IQGAP2: variants seen among roughly 807,000 people sequenced by gnomAD.
IQGAP2 encodes the protein IQ motif containing GTPase activating protein 2.
A neutral mutation model predicts 201.3 loss-of-function variants in IQGAP2; 173 were observed. That is an observed-to-expected ratio of 0.86 (90% CI 0.76 to 0.98). The LOEUF (loss-of-function observed/expected upper bound fraction) is 0.98, where lower values mean the gene tolerates loss of function less well. Ranked by LOEUF, IQGAP2 falls within the 50% of genes least tolerant of loss-of-function variation. The pLI is 0.00. For missense variants in IQGAP2, 1,687 were observed against 1,864.8 expected, an observed-to-expected ratio of 0.90 and a Z score of 1.76; for synonymous variants, 675 against 673.9, an observed-to-expected ratio of 1.00 and a Z score of -0.03.
rs139232620 is a variant in IQGAP2 at position 76,506,243 on chromosome 5, G to A, written c.146+44574G>A. Among the ~76,000 whole-genome samples the A allele has an allele frequency of 3.3e-5, 5 of 152,306 alleles. No individual in the cohort carries two copies. The East Asian group carries it at 9.6e-4, about 29-fold the overall frequency. On this transcript the variant is annotated intron_variant, in intron 2 of 35. Coordinates refer to ENST00000274364, the MANE Select transcript of IQGAP2 (RefSeq NM_006633.5). Reference sequence around the variant, plus strand: ...AACCCGAGAGAGCTACTTGAGGGCAGGACGAAGGACTGGGCTATTTCCCCT... The same window carrying A: ...AACCCGAGAGAGCTACTTGAGGGCAAGACGAAGGACTGGGCTATTTCCCCT...
chr5:76,589,602 T>C lies in IQGAP2; in HGVS notation c.527-13T>C, dbSNP rs1477290280. 1 of 1,409,042 alleles carries C rather than the reference T, an allele frequency of 7.1e-7. No individual in the cohort carries two copies. Among genetic ancestry groups the C allele is most frequent in the African/African-American group, 1.4e-5 (1 of 70,744 alleles). 87.3% of individuals were successfully genotyped at this position (1,409,042 alleles called of 1,614,324 possible). On this transcript the variant is annotated splice_polypyrimidine_tract_variant and intron_variant, in intron 6 of 35. Coordinates refer to ENST00000274364, the MANE Select transcript of IQGAP2 (RefSeq NM_006633.5). Reference sequence around the variant, plus strand: ...TCTCTGATAATGATTATGATTATTTTGTTCTTTGTTAGAGGAGGAAATCAG... The same window carrying C: ...TCTCTGATAATGATTATGATTATTTCGTTCTTTGTTAGAGGAGGAAATCAG...
At position 76,418,834 on chromosome 5, in the gene IQGAP2, G is replaced by T. The variant is rs1580149589; in HGVS notation, c.46+15243G>T. ...GAAAAGTAGGGGGGTGAGTGTGGAA[G>T]ATAGTGTGGCTGGGGTCACTTAATG... is the stretch of plus-strand genomic sequence containing the variant. On this transcript the variant is annotated intron_variant, in intron 1 of 35. Transcript: ENST00000274364. 2.6e-5 allele frequency among the ~76,000 whole-genome samples: 4 copies of T among 152,288 alleles called. No individual in the cohort carries two copies. In the South Asian group the frequency reaches 8.3e-4, roughly 32 times the overall value.
rs540744402 is a variant in IQGAP2, at chr5:76,667,877, CTTT to C, written c.2680-783_2680-781del. ...TGTAGCCGGGCCCTTAGTCCACTTTCTTTTTTTTTTTTTTTTTTTTTTTGATAC... is the reference window on the plus strand; with the variant it reads ...TGTAGCCGGGCCCTTAGTCCACTTTCTTTTTTTTTTTTTTTTTTTTGATAC... On this transcript the variant is annotated intron_variant, in intron 22 of 35. Coordinates refer to ENST00000274364, the MANE Select transcript of IQGAP2 (RefSeq NM_006633.5). Among the ~76,000 whole-genome samples, 363 of 123,368 alleles carry C rather than the reference CTTT, an allele frequency of 2.9e-3. 1 individual carries two copies. Among genetic ancestry groups the C allele is most frequent in the Middle Eastern group, 0.014 (3 of 210 alleles). 80.9% of individuals were successfully genotyped at this position (123,368 alleles called of 152,430 possible).
intron 2 of IQGAP2, among the ~76,000 whole-genome samples, chr5:76,527,301 T>C (rs1346826998): frequency 6.6e-6 from 1 of 152,202 alleles, no homozygotes; most frequent in African/African-American, 2.4e-5. Flanking sequence ...GTGCACTTGC[T>C]AGTCTCAGAG....
intron 9 of IQGAP2, among the ~76,000 whole-genome samples, chr5:76,596,151 C>A (rs552841786): frequency 2.0e-5 from 3 of 152,206 alleles, no homozygotes; most frequent in African/African-American, 7.2e-5. Context: ...GGAAGATCCT[C>A]GTGAATGTAT....
At chr5:76,695,835 C>CTTTTTTTTTTT (rs56984768) in intron 32 of IQGAP2, among the ~76,000 whole-genome samples, 169 bp downstream of exon 32, 10 of 83,104 alleles carry the variant, frequency 1.2e-4, no homozygotes, top group Admixed American at 1.6e-4. Context: ...CAGTTGATGA[C>CTTTTTTTTTTT]TTTTTTTTTT....
At chr5:76,577,694 A>T (rs1423566010) in intron 5 of IQGAP2, among the ~76,000 whole-genome samples, 1 of 152,218 alleles carries the variant, frequency 6.6e-6, no homozygotes, top group Non-Finnish European at 1.5e-5. Context: ...GGAGGCTGAT[A>T]TTCTGCTTTG....
chr5:76,520,678 A>G lies in IQGAP2; in HGVS notation c.147-41718A>G, dbSNP rs77017113. ...ACAACTGTGTTAGATCTTCAAGTCC[A>G]TGAACATCATAGGTCTCTCCTCTTT... On this transcript the variant is annotated intron_variant, in intron 2 of 35. Transcript: ENST00000274364. Among the ~76,000 whole-genome samples, 808 of 149,672 alleles carry G rather than the reference A, an allele frequency of 5.4e-3. 11 individuals are homozygous for G. Among genetic ancestry groups the G allele is most frequent in the African/African-American group, 0.019 (779 of 40,592 alleles).
At chr5:76,581,922 C>T (rs1745897327) in intron 5 of IQGAP2, among the ~76,000 whole-genome samples, 1 of 152,180 alleles carries the variant, frequency 6.6e-6, no homozygotes. Flanking sequence ...GATAGGTTAT[C>T]AATAAGTGTT....
At chr5:76,536,487 C>T (rs1322488323) in intron 2 of IQGAP2, among the ~76,000 whole-genome samples, 3 of 151,720 alleles carry the variant, frequency 2.0e-5, no homozygotes, top group Non-Finnish European at 2.9e-5. Context: ...CAGCCGGGCA[C>T]GGTGGCTCAC....
intron 30 of IQGAP2, among the ~76,000 whole-genome samples, chr5:76,690,082 G>A (rs1006307245): frequency 1.3e-5 from 2 of 152,090 alleles, no homozygotes; most frequent in Admixed American, 6.6e-5. Flanking sequence ...AGCAAGACCC[G>A]TGGTTTGGAT....
At chr5:76,623,399 G>T in intron 13 of IQGAP2, 1 of 676,434 alleles carries the variant, frequency 1.5e-6, no homozygotes, top group Non-Finnish European at 2.5e-6. Context: ...CCTCCGCAGG[G>T]AAAGGATGTA....
chr5:76,431,937 T>G (rs986465939), intron 1 of IQGAP2, among the ~76,000 whole-genome samples: 2 of 151,998 alleles, frequency 1.3e-5, no homozygotes, highest in Non-Finnish European at 2.9e-5. Context: ...GATCTTTTTA[T>G]AATGGTTTTA....
intron 1 of IQGAP2, among the ~76,000 whole-genome samples, chr5:76,409,008 G>A (rs1580129108): frequency 6.6e-6 from 1 of 151,874 alleles, no homozygotes; most frequent in East Asian, 1.9e-4. Flanking sequence ...GGTCAGGCTG[G>A]TCTCGAACTT....
At chr5:76,522,776 C>G (rs1032109050) in intron 2 of IQGAP2, among the ~76,000 whole-genome samples, 1 of 152,158 alleles carries the variant, frequency 6.6e-6, no homozygotes, top group Admixed American at 6.5e-5. Context: ...GAAATCTGTT[C>G]TGTGTGCCTT....
Position 76,697,972 on chromosome 5 carries a change from T to A in IQGAP2, c.4207-15T>A. ...ACTTCTGCTTAAATATGATACCCCT[T>A]ACTTGTTGTTTTAGGATATTCGAAA... On this transcript the variant is annotated splice_polypyrimidine_tract_variant and intron_variant, in intron 32 of 35. Coordinates refer to ENST00000274364, the MANE Select transcript of IQGAP2 (RefSeq NM_006633.5). 6.2e-7 allele frequency: 1 copy of A among 1,602,538 alleles called. No homozygotes were observed. The highest frequency in any genetic ancestry group is 1.1e-5 in the South Asian group (1 of 89,054).
rs144328533 is a variant in IQGAP2, at chr5:76,671,906, G to T, written c.2991G>T (p.Ser997=). Residue 997 remains serine (S), a synonymous_variant, in exon 24 of 36, where the codon TCG becomes TCT. Coordinates refer to ENST00000274364, the MANE Select transcript of IQGAP2 (RefSeq NM_006633.5). ...TAAAAGAGATCATCGACGACAAGTC[G>T]CTGATTATCAACACAAACCCTGTAG... The part of the protein sequence containing the change: ...PVVKEIIDDK[S]LIINTNPVEV... 3.6e-5 allele frequency: 58 copies of T among 1,613,974 alleles called. No individual in the cohort carries two copies. Among genetic ancestry groups the T allele is most frequent in the African/African-American group, 5.3e-5 (4 of 74,906 alleles).
At chr5:76,520,286 C>T (rs1005855206) in intron 2 of IQGAP2, among the ~76,000 whole-genome samples, 4 of 152,140 alleles carry the variant, frequency 2.6e-5, no homozygotes, top group African/African-American at 9.7e-5. Context: ...GAAAAGACTA[C>T]TCCTTCTCCA....
intron 24 of IQGAP2, 54 bp downstream of exon 24, chr5:76,672,037 A>C: frequency 7.5e-7 from 1 of 1,330,018 alleles, no homozygotes; most frequent in African/African-American, 1.5e-5. Flanking sequence ...ATATTTTTAC[A>C]TGTGTATTTA....
Sources: allele counts gnomAD v4.1 joint callset (sites outside exome capture counted in the v4.1 genomes callset), GRCh38; gene constraint gnomAD v4.1.1; transcripts MANE v1.5; gene names NCBI Gene and HGNC (gene_info 2026-07-23, HGNC 2026-07-21).